The following AFF3 variants were observed in gnomAD, a reference collection of about 807,000 sequenced individuals.
The protein encoded by AFF3 is AF4/FMR2 family member 3.
In AFF3, 32 loss-of-function variants were observed where a neutral mutation model predicts 129.7. The ratio of observed to expected loss-of-function variants is 0.25; its 90% CI spans 0.19 to 0.33. AFF3 has a LOEUF of 0.33. Among genes scored for constraint, AFF3 ranks in the 10% least tolerant of loss-of-function variants. The pLI is 1.00. For missense variants in AFF3, 1,373 were observed against 1,592.0 expected (o/e 0.86, Z 2.34); for synonymous variants, 644 against 635.4 (o/e 1.01, Z -0.20).
At chr2:99,648,911 A>ACTCTCTCT (rs1310405470) in intron 13 of AFF3, among the ~76,000 whole-genome samples, 3 of 36,240 alleles carry the variant, frequency 8.3e-5, no homozygotes, top group Admixed American at 7.0e-4. Flanking sequence ...ACACACACAC[A>ACTCTCTCT]CACACACTCT....
At chr2:100,025,908 T>C (rs1170072151) in intron 4 of AFF3, among the ~76,000 whole-genome samples, 1 of 152,182 alleles carries the variant, frequency 6.6e-6, no homozygotes, top group African/African-American at 2.4e-5. Flanking sequence ...TCAAGATGGA[T>C]TAAGGACTTA....
rs150842096 is a variant in AFF3, at chr2:99,677,512, T to C, written c.1092-4923A>G. On this transcript the variant is annotated intron_variant, in intron 11 of 24. Coordinates refer to ENST00000672756, the MANE Select transcript of AFF3 (RefSeq NM_001386135.1). ...CTATTTTTACTTGGGAACTTGTCCT[T>C]ACAATGATTGTTGGGCATGTTGTAA... Among the ~76,000 whole-genome samples, 778 of 152,248 alleles carry C rather than the reference T, an allele frequency of 5.1e-3. 7 individuals carry two copies. Among genetic ancestry groups the C allele is most frequent in the African/African-American group, 0.017 (713 of 41,542 alleles).
intron 4 of AFF3, among the ~76,000 whole-genome samples, chr2:100,033,098 C>T (rs540204876): frequency 5.9e-5 from 9 of 152,248 alleles, no homozygotes; most frequent in Admixed American, 1.3e-4. Flanking sequence ...GGAGCAAGTA[C>T]GTCACATCCT....
chr2:100,043,372 T>C (rs1685591273), intron 4 of AFF3, among the ~76,000 whole-genome samples: 1 of 152,170 alleles, frequency 6.6e-6, no homozygotes, highest in African/African-American at 2.4e-5. Context: ...ACCATCTTCT[T>C]CTGACAGCAA....
intron 7 of AFF3, among the ~76,000 whole-genome samples, chr2:99,994,172 A>G (rs1680626804): frequency 2.0e-5 from 3 of 151,876 alleles, no homozygotes; most frequent in South Asian, 2.1e-4. Context: ...CTGAAAGAAC[A>G]CTCCATGTTT....
At chr2:99,837,619 A>C in intron 7 of AFF3, 95 bp from the exon 8 acceptor site, 1 of 1,147,140 alleles carries the variant, frequency 8.7e-7, no homozygotes, top group Non-Finnish European at 1.3e-6. Flanking sequence ...CCCAACAAAA[A>C]AATTCAGCGA....
chr2:100,027,417 C>T (rs1684134888), intron 4 of AFF3, among the ~76,000 whole-genome samples: 1 of 152,192 alleles, frequency 6.6e-6, no homozygotes, highest in African/African-American at 2.4e-5. Flanking sequence ...GATACAGGAC[C>T]TCCAGACTGA....
chr2:99,844,460 C>G (rs1158474360), intron 7 of AFF3, among the ~76,000 whole-genome samples: 1 of 81,310 alleles, frequency 1.2e-5, no homozygotes, highest in East Asian at 4.4e-4. Context: ...TTTTTTGAGA[C>G]AGAGTCTTGC....
intron 4 of AFF3, among the ~76,000 whole-genome samples, chr2:100,040,002 C>G (rs1685289075): frequency 6.6e-6 from 1 of 152,184 alleles, no homozygotes; most frequent in South Asian, 2.1e-4. Flanking sequence ...TTATAAATTT[C>G]CAATGCAGAT....
At chr2:100,113,053 A>G (rs1400035514) in intron 2 of AFF3, among the ~76,000 whole-genome samples, 1 of 152,166 alleles carries the variant, frequency 6.6e-6, no homozygotes, top group African/African-American at 2.4e-5. Context: ...CCAAATCCCC[A>G]TGCTGTCATC....
intron 10 of AFF3, among the ~76,000 whole-genome samples, chr2:99,731,082 T>C (rs1679791491): frequency 6.6e-6 from 1 of 152,028 alleles, no homozygotes; most frequent in South Asian, 2.1e-4. Context: ...CTCAGCCTCC[T>C]GAGCAGCTGG....
intron 11 of AFF3, chr2:99,707,557 T>G (rs1309432409): frequency 7.3e-6 from 7 of 957,610 alleles, no homozygotes; most frequent in Middle Eastern, 1.1e-3. Context: ...TACCAAAGTA[T>G]CTCGCTGAAA....
intron 2 of AFF3, chr2:100,106,738 C>G (rs1691321382): frequency 3.0e-6 from 3 of 985,636 alleles, no homozygotes; most frequent in Non-Finnish European, 3.6e-6. Flanking sequence ...CCCACCACAT[C>G]TGTTTATACA....
intron 7 of AFF3, among the ~76,000 whole-genome samples, chr2:99,971,944 G>C (rs1479124484): frequency 6.6e-6 from 1 of 152,180 alleles, no homozygotes. Context: ...AAAAAAGCTT[G>C]ATGTGTCTGT....
intron 15 of AFF3, 147 bp from the exon 16 acceptor site, chr2:99,587,425 C>CAGGGG: frequency 3.6e-6 from 3 of 838,890 alleles, no homozygotes; most frequent in Non-Finnish European, 5.5e-6. Flanking sequence ...TGTGCCCCTG[C>CAGGGG]CATAGCTTCC....
intron 15 of AFF3, 94 bp from the exon 16 acceptor site, chr2:99,587,372 G>A (rs1180682262): frequency 1.3e-6 from 2 of 1,488,584 alleles, no homozygotes; most frequent in Non-Finnish European, 1.8e-6. Context: ...GGCCTCCTGG[G>A]AGCCCCACTC....
chr2:99,856,533 A>G (rs1690545510), intron 7 of AFF3, among the ~76,000 whole-genome samples: 1 of 152,234 alleles, frequency 6.6e-6, no homozygotes, highest in African/African-American at 2.4e-5. Flanking sequence ...AAAAGAGTAC[A>G]GATAACATTG....
intron 4 of AFF3, among the ~76,000 whole-genome samples, chr2:100,083,005 G>A (rs542718928): frequency 2.8e-4 from 43 of 152,264 alleles, no homozygotes; most frequent in Middle Eastern, 3.4e-3. Context: ...ACTTGAACCC[G>A]GGAGGCGGAG....
intron 4 of AFF3, among the ~76,000 whole-genome samples, chr2:100,043,285 C>T (rs1320137560): frequency 6.6e-6 from 1 of 152,092 alleles, no homozygotes. Flanking sequence ...GGTGAAAAAC[C>T]CTGTGGCCTC....
Sources: gnomAD v4.1 joint callset for allele counts (sites outside exome capture counted in the v4.1 genomes callset) on GRCh38, gnomAD v4.1.1 for gene constraint, MANE v1.5 for transcripts, NCBI Gene and HGNC (gene_info 2026-07-23, HGNC 2026-07-21) for gene names.